Variants in SLC2A9 observed in about 807,000 individuals in gnomAD.
SLC2A9 encodes the protein solute carrier family 2 member 9.
In SLC2A9, 39 loss-of-function variants were observed where a neutral mutation model predicts 50.6. That is an observed-to-expected ratio of 0.77 (90% CI 0.60 to 1.01). The LOEUF (loss-of-function observed/expected upper bound fraction) is 1.01. Ranked by LOEUF, SLC2A9 falls within the 50% of genes least tolerant of loss-of-function variation. The pLI, the probability that SLC2A9 is intolerant of heterozygous loss-of-function variation, is 0.00. For synonymous variants in SLC2A9, 324 were observed against 276.9 expected (o/e 1.17, Z -1.69); for missense variants, 686 against 677.6 (o/e 1.01, Z -0.14).
chr4:9,780,402 T>C (rs1399361050), intron 3 of SLC2A9, among the ~76,000 whole-genome samples: 2 of 151,814 alleles, frequency 1.3e-5, no homozygotes, highest in Non-Finnish European at 2.9e-5. Context: ...CCTGGACAGA[T>C]GGTCTTGCCC....
intron 10 of SLC2A9, among the ~76,000 whole-genome samples, chr4:9,874,816 G>A (rs1161178253): frequency 2.0e-5 from 3 of 152,304 alleles, no homozygotes; most frequent in Middle Eastern, 3.4e-3. Flanking sequence ...AATGTGGGAC[G>A]CTGTGTCTTT....
chr4:9,790,397 T>C (rs1309654683), intron 3 of SLC2A9, among the ~76,000 whole-genome samples: 1 of 152,208 alleles, frequency 6.6e-6, no homozygotes, highest in African/African-American at 2.4e-5. Context: ...GCTCTATTTT[T>C]CTACACACTT....
downstream of SLC2A9, among the ~76,000 whole-genome samples, chr4:9,778,949 G>A (rs1395401871): frequency 1.3e-5 from 2 of 151,992 alleles, no homozygotes; most frequent in Non-Finnish European, 2.9e-5. Flanking sequence ...TGTATTTTTA[G>A]TAGAGACGGG....
intron 3 of SLC2A9, among the ~76,000 whole-genome samples, chr4:9,788,373 T>TTTTTG (rs1719490016): frequency 6.7e-6 from 1 of 148,484 alleles, no homozygotes; most frequent in Admixed American, 6.7e-5. Flanking sequence ...TTTTTTTTTG[T>TTTTTG]AGAGACGGGG....
chr4:9,838,856 G>T (rs6449045), intron 10 of SLC2A9, among the ~76,000 whole-genome samples: 22,049 of 152,112 alleles, frequency 0.14, 2,009 homozygotes, highest in African/African-American at 0.26. Flanking sequence ...ATACACTCAA[G>T]ATGGATTAAA....
intron 3 of SLC2A9, among the ~76,000 whole-genome samples, chr4:9,991,933 T>C (rs955228660): frequency 6.6e-6 from 1 of 152,258 alleles, no homozygotes; most frequent in Admixed American, 6.5e-5. Context: ...AACCAATGCA[T>C]GCTTGCCACA....
chr4:9,943,654 T>C (rs143239812), intron 5 of SLC2A9, among the ~76,000 whole-genome samples: 3 of 152,262 alleles, frequency 2.0e-5, no homozygotes, highest in Non-Finnish European at 4.4e-5. Context: ...TTTTATGATA[T>C]GTGTGTCATA....
At chr4:9,916,164 C>T (rs1373717104) in intron 7 of SLC2A9, among the ~76,000 whole-genome samples, 2 of 152,194 alleles carry the variant, frequency 1.3e-5, no homozygotes, top group Non-Finnish European at 2.9e-5. Flanking sequence ...CACAGGTCCT[C>T]GTCTACCCTA....
intron 5 of SLC2A9, among the ~76,000 whole-genome samples, chr4:9,955,584 G>A (rs540673381): frequency 6.6e-6 from 1 of 151,440 alleles, no homozygotes; most frequent in Non-Finnish European, 1.5e-5. Context: ...CTCTCCAAGT[G>A]TACTTTACTT....
At chr4:9,835,443 C>G (rs1726884991) in intron 10 of SLC2A9, among the ~76,000 whole-genome samples, 1 of 105,556 alleles carries the variant, frequency 9.5e-6, no homozygotes, top group African/African-American at 3.7e-5. Context: ...GCTGGAGTCA[C>G]CACTCTGCCA....
chr4:9,792,144 T>C (rs1372739332), intron 3 of SLC2A9, among the ~76,000 whole-genome samples: 1 of 150,500 alleles, frequency 6.6e-6, no homozygotes, highest in African/African-American at 2.4e-5. Flanking sequence ...AACCAGGAGA[T>C]GTTTTCTATT....
At chr4:9,785,933 G>A (rs981603874) in intron 3 of SLC2A9, among the ~76,000 whole-genome samples, 1 of 152,188 alleles carries the variant, frequency 6.6e-6, no homozygotes, top group Non-Finnish European at 1.5e-5. Context: ...GTGGTCAGGG[G>A]AGGACTTTCC....
intron 8 of SLC2A9, among the ~76,000 whole-genome samples, chr4:9,896,170 C>G (rs774245235): frequency 6.6e-5 from 10 of 152,130 alleles, no homozygotes; most frequent in Non-Finnish European, 1.5e-4. Flanking sequence ...TTATAAGAAA[C>G]TGCTAAAATG....
chr4:9,773,066 G>A lies in SLC2A9; in HGVS notation n.182-1697C>T, dbSNP rs181470571. ...CCATCCTTCTGCCTCTGTCTACAGA[G>A]TGCTGCCTTTCAAAGGTGGCAAGCT... On this transcript the variant is annotated intron_variant and non_coding_transcript_variant, in intron 1 of 1. Transcript: ENST00000508585. Among the ~76,000 whole-genome samples the A allele has an allele frequency of 1.0e-3, 158 of 152,240 alleles. 2 individuals carry two copies. Among genetic ancestry groups the A allele is most frequent in the African/African-American group, 3.7e-3 (152 of 41,544 alleles).
intron 8 of SLC2A9, among the ~76,000 whole-genome samples, chr4:9,904,647 A>G (rs1225413083): frequency 6.6e-6 from 1 of 152,194 alleles, no homozygotes; most frequent in African/African-American, 2.4e-5. Context: ...GGTTATGTCC[A>G]TTTTACAGAT....
chr4:9,859,299 C>G (rs770458901), intron 10 of SLC2A9, among the ~76,000 whole-genome samples: 6 of 152,164 alleles, frequency 3.9e-5, no homozygotes, highest in Non-Finnish European at 7.3e-5. Flanking sequence ...TCCACGGGGT[C>G]CTCTCCGTCA....
At chr4:9,838,987 G>T (rs1190131980) in intron 10 of SLC2A9, among the ~76,000 whole-genome samples, 1 of 152,004 alleles carries the variant, frequency 6.6e-6, no homozygotes, top group African/African-American at 2.4e-5. Context: ...TGCAACAAAA[G>T]CAAAAATTGA....
intron 2 of SLC2A9, among the ~76,000 whole-genome samples, chr4:10,013,264 C>A (rs1363081835): frequency 6.6e-6 from 1 of 152,176 alleles, no homozygotes; most frequent in Non-Finnish European, 1.5e-5. Flanking sequence ...ATAAACCAGG[C>A]CTCATGTGGC....
chr4:9,998,135 G>A (rs539033705), intron 2 of SLC2A9, among the ~76,000 whole-genome samples: 5 of 152,260 alleles, frequency 3.3e-5, no homozygotes, highest in African/African-American at 1.2e-4. Context: ...CAGTGTGTTT[G>A]GGACAGGGAC....
Sources: allele counts gnomAD v4.1 joint callset (sites outside exome capture counted in the v4.1 genomes callset), GRCh38; gene constraint gnomAD v4.1.1; transcripts MANE v1.5; gene names NCBI Gene and HGNC (gene_info 2026-07-23, HGNC 2026-07-21).